Variants in RILPL1 observed in about 807,000 individuals in gnomAD.
The protein encoded by RILPL1 is RILP-like protein 1.
A neutral mutation model predicts 50.3 loss-of-function variants in RILPL1; 33 were observed. That is an observed-to-expected ratio of 0.66 (90% CI 0.50 to 0.88). The LOEUF is 0.88. Among genes scored for constraint, RILPL1 ranks in the 40% least tolerant of loss-of-function variants. The pLI, the probability that RILPL1 is intolerant of heterozygous loss-of-function variation, is 0.00. For synonymous variants in RILPL1, 205 were observed against 228.6 expected, an observed-to-expected ratio of 0.90 and a Z score of 0.93; for missense variants, 418 against 542.5, an observed-to-expected ratio of 0.77 and a Z score of 2.28.
intron 2 of RILPL1, 125 bp downstream of exon 2, chr12:123,523,370 G>T (rs1885135606): frequency 3.6e-6 from 4 of 1,117,690 alleles, no homozygotes; most frequent in Middle Eastern, 2.5e-4. Context: ...CAATACAGAA[G>T]GCAAAGGGCT....
intron 6 of RILPL1, among the ~76,000 whole-genome samples, chr12:123,476,314 G>A (rs909634958): frequency 2.2e-5 from 3 of 137,788 alleles, no homozygotes; most frequent in Admixed American, 1.5e-4. Context: ...GGTGGCGCAT[G>A]CCTGTAATCC....
chr12:123,497,799 T>C (rs1883122885), intron 4 of RILPL1, among the ~76,000 whole-genome samples: 1 of 152,094 alleles, frequency 6.6e-6, no homozygotes, highest in South Asian at 2.1e-4. Context: ...CTTGATCCCC[T>C]TGCCTCAGCC....
Position 123,475,880 on chromosome 12 carries a change from C to T in RILPL1, c.1068-3198G>A, listed in dbSNP as rs139529397. On this transcript the variant is annotated intron_variant, in intron 6 of 6. Transcript: ENST00000376874. ...TTAGCGGTTGAATTGTGTCACCTGCCTCTAAATTCACTTAAAATTTTTTTT... is the reference window on the plus strand; with the variant it reads ...TTAGCGGTTGAATTGTGTCACCTGCTTCTAAATTCACTTAAAATTTTTTTT... The T allele has an allele frequency of 6.0e-4, 359 of 596,470 alleles. 1 individual carries two copies. Among genetic ancestry groups the T allele is most frequent in the African/African-American group, 5.7e-3 (299 of 52,280 alleles). The allele number at this position is 596,470 out of a possible 1,614,324, so 36.9% of individuals were successfully genotyped here.
In RILPL1 at chr12:123,498,616, C is replaced by T. The variant is rs147226698; in HGVS notation, c.729G>A (p.Leu243=). ...LQTKEQEMGS[L]RAELGKLRER... ...CTCGCAACTTCCCCAGCTCTGCTCG[C>T]AGGCTGCCCATCTCCTGCTCCTTGG... is the stretch of plus-strand genomic sequence containing the variant. The change falls in exon 4 of 7, where the codon CTG becomes CTA. Residue 243 remains leucine, a synonymous_variant. Transcript: ENST00000376874. This position sits in a 1 kb window ranked among gnomAD's most constrained non-coding sequence, Gnocchi z 4.3. 1.2e-6 allele frequency: 2 copies of T among 1,613,668 alleles called. No homozygotes were observed. Among genetic ancestry groups the T allele is most frequent in the Non-Finnish European group, 1.7e-6 (2 of 1,179,906 alleles).
chr12:123,504,722 G>A (rs1883625180), intron 2 of RILPL1, among the ~76,000 whole-genome samples: 1 of 152,098 alleles, frequency 6.6e-6, no homozygotes, highest in Admixed American at 6.6e-5. Flanking sequence ...TATCATTACT[G>A]TTGTTTCTAA....
chr12:123,474,229 A>G (rs1881431875), intron 6 of RILPL1: 1 of 152,164 alleles, frequency 6.6e-6, no homozygotes, highest in African/African-American at 2.4e-5. Flanking sequence ...GGTCATGTAA[A>G]CAAACTAGGA....
chr12:123,505,228 C>T (rs1374056439), intron 2 of RILPL1, among the ~76,000 whole-genome samples: 8 of 152,144 alleles, frequency 5.3e-5, no homozygotes, highest in Non-Finnish European at 8.8e-5. Flanking sequence ...GACAGGATTT[C>T]ACCATGTTGG....
chr12:123,496,896 T>A (rs750644474), intron 4 of RILPL1, among the ~76,000 whole-genome samples: 1 of 152,250 alleles, frequency 6.6e-6, no homozygotes. Flanking sequence ...TAATTCCGGA[T>A]CATTTCCATC....
chr12:123,484,833 T>A (rs1356527838), intron 5 of RILPL1: 1 of 253,296 alleles, frequency 3.9e-6, no homozygotes, highest in Non-Finnish European at 8.0e-6. Context: ...TTTTTAAAAA[T>A]TTTTGTGTAG....
chr12:123,515,062 C>G (rs1052004872), intron 2 of RILPL1, among the ~76,000 whole-genome samples: 3 of 151,830 alleles, frequency 2.0e-5, no homozygotes, highest in African/African-American at 7.3e-5. Context: ...TCCTGAGTAG[C>G]TGGGACTACA....
chr12:123,505,101 C>A (rs1883650698), intron 2 of RILPL1, among the ~76,000 whole-genome samples: 1 of 152,078 alleles, frequency 6.6e-6, no homozygotes, highest in South Asian at 2.1e-4. Flanking sequence ...AGTGCAGTGG[C>A]ACGATCTTGG....
At chr12:123,495,926 C>T (rs1883005998) in intron 4 of RILPL1, among the ~76,000 whole-genome samples, 1 of 151,948 alleles carries the variant, frequency 6.6e-6, no homozygotes, top group East Asian at 1.9e-4. Flanking sequence ...GGAAATCGGC[C>T]TGCCTTGGCC....
intron 6 of RILPL1, chr12:123,475,742 G>A (rs1177297491): frequency 1.2e-5 from 19 of 1,586,538 alleles, no homozygotes; most frequent in Non-Finnish European, 1.6e-5. Flanking sequence ...CATTATGGCT[G>A]TAAAGATCCT....
intron 6 of RILPL1, chr12:123,473,493 C>A (rs1183393152): frequency 6.6e-6 from 1 of 151,980 alleles, no homozygotes; most frequent in Non-Finnish European, 1.5e-5. Flanking sequence ...CCAGCCTGGG[C>A]AAGAGAACAA....
intron 2 of RILPL1, among the ~76,000 whole-genome samples, chr12:123,513,046 G>GATTT (rs1311287343): frequency 2.2e-5 from 3 of 137,664 alleles, no homozygotes; most frequent in African/African-American, 9.7e-5. Flanking sequence ...TGGTGTGTGA[G>GATTT]GTTTGTGTGT....
intron 2 of RILPL1, among the ~76,000 whole-genome samples, chr12:123,506,976 G>T (rs959743937): frequency 1.3e-5 from 2 of 152,164 alleles, no homozygotes; most frequent in African/African-American, 2.4e-5. Flanking sequence ...GCCCTGGCTG[G>T]TGTGCAGAGG....
chr12:123,487,012 T>G (rs910397341), intron 4 of RILPL1, among the ~76,000 whole-genome samples: 4 of 152,134 alleles, frequency 2.6e-5, no homozygotes, highest in Admixed American at 6.5e-5. Context: ...TTGGCCAGAC[T>G]GGTCTTGAAC....
chr12:123,525,113 C>G (rs565557475), intron 1 of RILPL1, among the ~76,000 whole-genome samples: 1 of 152,098 alleles, frequency 6.6e-6, no homozygotes, highest in South Asian at 2.1e-4. Flanking sequence ...GCCTGGGTGA[C>G]AGAGTGAGAC....
intron 2 of RILPL1, among the ~76,000 whole-genome samples, chr12:123,502,264 T>G (rs1440320440): frequency 6.6e-6 from 1 of 152,202 alleles, no homozygotes; most frequent in East Asian, 1.9e-4. Context: ...GCTACAAAGA[T>G]CAATAACAAG....
Sources: allele counts gnomAD v4.1 joint callset (sites outside exome capture counted in the v4.1 genomes callset), GRCh38; gene constraint gnomAD v4.1.1; non-coding constraint Gnocchi (gnomAD v3.1); transcripts MANE v1.5; gene names NCBI Gene and HGNC (gene_info 2026-07-23, HGNC 2026-07-21).